Variants in PSG8 observed in about 807,000 individuals in gnomAD.
PSG8 encodes the protein pregnancy-specific beta-1-glycoprotein 8.
In PSG8, 57 loss-of-function variants were observed where a neutral mutation model predicts 42.5. The ratio of observed to expected loss-of-function variants is 1.34; its 90% confidence interval spans 1.08 to 1.67. The LOEUF is 1.67. Among genes scored for constraint, PSG8 ranks in the 40% most tolerant of loss-of-function variants. The probability of loss-of-function intolerance (pLI) is 0.00; values close to 1 mark genes in which losing one functional copy is unlikely to be tolerated. For synonymous variants in PSG8, 280 were observed against 196.8 expected (o/e 1.42, Z -3.54); for missense variants, 783 against 518.6 (o/e 1.51, Z -4.95).
intron 3 of PSG8, 77 bp from the exon 4 acceptor site, chr19:42,755,343 G>C: frequency 1.3e-6 from 2 of 1,576,696 alleles, no homozygotes; most frequent in South Asian, 2.4e-5. Context: ...ATCAGAGTTG[G>C]CATCTCCCAC....
rs1029255473 is a variant in PSG8 at position 42,757,881 on chromosome 19, G to A, written c.709+121C>T. 3.5e-5 allele frequency: 57 copies of A among 1,606,768 alleles called. 1 individual carries two copies. The East Asian group carries it at 1.0e-3, about 30-fold the overall frequency. On this transcript the variant is annotated intron_variant, in intron 3 of 4. Coordinates refer to ENST00000306511, the MANE Select transcript of PSG8 (RefSeq NM_182707.3). ...TGCCTGGGGCAGAAAGTCATGGCCA[G>A]GTTTGATGTCCAGGGGTAAAGGTCT... is the stretch of plus-strand genomic sequence containing the variant.
In PSG8 at chr19:42,755,393, G is replaced by A. The variant is rs1030534493; in HGVS notation, c.710-127C>T. The A allele has an allele frequency of 1.3e-5, 20 of 1,510,932 alleles. No individual in the cohort carries two copies. The African/African-American group carries it at 2.6e-4, about 20-fold the overall frequency. The allele number at this position is 1,510,932 out of a possible 1,614,324, so 93.6% of individuals were successfully genotyped here. A position where few individuals can be genotyped will look rare whatever the true frequency, so the allele number is the denominator to read the frequency against. The stretch of plus-strand genomic sequence containing the variant: ...GAGTCCTTGAAAGCCAATAGCTGGT[G>A]CGTGTGTCACAAGACAGATGCATGA... On this transcript the variant is annotated intron_variant, in intron 3 of 4. Transcript: ENST00000306511.
chr19:42,760,505 G>A lies in PSG8; in HGVS notation c.431-2225C>T, dbSNP rs551803076. ...TTCAGTTTTGGAAGTTTCTATTGAC[G>A]TATCCTCAAGCTAGGGATTCTTTCC... On this transcript the variant is annotated intron_variant, in intron 2 of 4. Coordinates refer to ENST00000306511, the MANE Select transcript of PSG8 (RefSeq NM_182707.3). Among the ~76,000 whole-genome samples, 21 of 152,132 alleles carry A rather than the reference G, an allele frequency of 1.4e-4. No homozygotes were observed. The South Asian group carries it at 2.1e-3, about 15-fold the overall frequency.
intron 2 of PSG8, 131 bp from the exon 3 acceptor site, chr19:42,758,411 G>T (rs1660505210): frequency 9.9e-6 from 15 of 1,514,298 alleles, no homozygotes; most frequent in Admixed American, 8.7e-5. Context: ...GCAGGTGTGT[G>T]TGTTGCAAGA....
In PSG8 at chr19:42,754,249, TA is replaced by T. The variant is rs1969851866; in HGVS notation, c.*45del. 6.2e-7 allele frequency: 1 copy of T among 1,601,200 alleles called. No individual in the cohort carries two copies. Among genetic ancestry groups the T allele is most frequent in the African/African-American group, 1.3e-5 (1 of 74,344 alleles). ...GTGCCCATGGGACGCAGGCTGGGAA[TA>T]AAAATGTTTTCCTGACTCTTCCCTG... On this transcript the variant is annotated 3_prime_UTR_variant, in exon 5 of 5. Coordinates refer to ENST00000306511, the MANE Select transcript of PSG8 (RefSeq NM_182707.3).
At chr19:42,763,044 G>C (rs1001177191) in intron 2 of PSG8, among the ~76,000 whole-genome samples, 4 of 152,144 alleles carry the variant, frequency 2.6e-5, no homozygotes, top group African/African-American at 7.2e-5. Flanking sequence ...ATGGACAGTG[G>C]CTTTTCATGC....
rs1342683782 is a variant in PSG8, at chr19:42,758,661, G to T, written c.431-381C>A. On this transcript the variant is annotated intron_variant, in intron 2 of 4. Coordinates refer to ENST00000306511, the MANE Select transcript of PSG8 (RefSeq NM_182707.3). ...ATCTTCTTAGTTTCAGTCTTACTTT[G>T]CCGCCCAAGGTATGTTTTCTCTGCA... 1.7e-5 allele frequency: 4 copies of T among 241,802 alleles called. 1 individual carries two copies. The highest frequency in any genetic ancestry group is 1.8e-4 in the East Asian group (2 of 11,276). The allele number at this position is 241,802 out of a possible 1,614,324, so 15.0% of individuals were successfully genotyped here.
At chr19:42,764,337 C>A in intron 1 of PSG8, 56 bp from the exon 2 acceptor site, 20 of 1,564,862 alleles carry the variant, frequency 1.3e-5, no homozygotes, top group Admixed American at 7.5e-5. Context: ...GGTGTGAAAA[C>A]ATGGGGCCCT....
At chr19:42,755,542 C>T (rs901431108) in intron 3 of PSG8, 124 of 691,150 alleles carry the variant, frequency 1.8e-4, no homozygotes, top group Non-Finnish European at 2.5e-4. Flanking sequence ...AGTCACAGCC[C>T]CTGGTATCCC....
chr19:42,754,197 T>G (rs1969850086), downstream of PSG8: 12 of 1,558,608 alleles, frequency 7.7e-6, no homozygotes, highest in South Asian at 1.4e-4. Flanking sequence ...ATTTGGAGGG[T>G]TTAGGAGGAG....
rs1031987510 is a variant in PSG8 at position 42,757,379 on chromosome 19, A to G, written c.709+623T>C. Among the ~76,000 whole-genome samples, 41 of 152,040 alleles carry G rather than the reference A, an allele frequency of 2.7e-4. 1 individual carries two copies. Among genetic ancestry groups the G allele is most frequent in the Non-Finnish European group, 5.4e-4 (37 of 67,990 alleles). On this transcript the variant is annotated intron_variant, in intron 3 of 4. Coordinates refer to ENST00000306511, the MANE Select transcript of PSG8 (RefSeq NM_182707.3). Reference sequence around the variant, plus strand: ...TCCTCTTGATTATGAGATTTGTTCCAGCAGTGGCTGAGTTATGGATGAAAC... The same window carrying G: ...TCCTCTTGATTATGAGATTTGTTCCGGCAGTGGCTGAGTTATGGATGAAAC...
Position 42,764,325 on chromosome 19 carries a change from T to C in PSG8, c.65-44A>G, listed in dbSNP as rs200331363. ...ATCAGTCAATATTGAGAGCTATGTA[T>C]TGGTGTGAAAACATGGGGCCCTGGG... On this transcript the variant is annotated intron_variant, in intron 1 of 4. Coordinates refer to ENST00000306511, the MANE Select transcript of PSG8 (RefSeq NM_182707.3). 7.3e-4 allele frequency: 1,150 copies of C among 1,579,540 alleles called. 10 individuals carry two copies. The highest frequency in any genetic ancestry group is 4.3e-3 in the Middle Eastern group (25 of 5,776).
chr19:42,763,800 C>A, intron 2 of PSG8, 116 bp downstream of exon 2: 8 of 1,571,126 alleles, frequency 5.1e-6, no homozygotes, highest in Non-Finnish European at 7.0e-6. Flanking sequence ...CAAACCCCAG[C>A]ATGGGACATA....
downstream of PSG8, chr19:42,752,949 G>T (rs184905131): frequency 8.7e-6 from 3 of 344,028 alleles, no homozygotes; most frequent in East Asian, 1.6e-4. Context: ...TTATGTAAAA[G>T]TTTGGGTTGA....
In PSG8 at chr19:42,754,436, A is replaced by G. The variant is rs1969859946; in HGVS notation, c.1140T>C (p.Phe380=). The part of the protein sequence containing the change: ...GKFQLSGQKL[F]IPQITTKHSG... ...TATGCTTTGTAGTAATTTGGGGGAT[A>G]AAGAGCTTTTGTCCTGATAGCTGAA... The change falls in exon 5 of 5, where the codon TTT becomes TTC. Residue 380 remains phenylalanine, a synonymous_variant. Transcript: ENST00000306511. 1.2e-6 allele frequency: 2 copies of G among 1,613,764 alleles called. No homozygotes were observed. Among genetic ancestry groups the G allele is most frequent in the African/African-American group, 1.3e-5 (1 of 74,902 alleles).
chr19:42,764,886 T>C (rs1307717270), intron 1 of PSG8, among the ~76,000 whole-genome samples: 3 of 152,140 alleles, frequency 2.0e-5, no homozygotes, highest in African/African-American at 7.2e-5. Flanking sequence ...GTGTTTTTTT[T>C]TCCCCCCAAT....
chr19:42,757,871 G>A (rs974762746), intron 3 of PSG8, 131 bp downstream of exon 3: 2 of 1,599,618 alleles, frequency 1.3e-6, no homozygotes, highest in Non-Finnish European at 1.7e-6. Context: ...GGGGCAGAAA[G>A]TCATGGCCAG....
rs779121780 is a variant in PSG8, at chr19:42,755,210, C to T, written c.766G>A (p.Asp256Asn). 6.2e-7 allele frequency: 1 copy of T among 1,611,984 alleles called. No individual in the cohort carries two copies. The highest frequency in any genetic ancestry group is 8.5e-7 in the Non-Finnish European group (1 of 1,179,802). ...INNLKPRENK[D>N]VLNFTCEPKS... Reference sequence around the variant, plus strand: ...GGTTCACAGGTGAAGTTTAAGACATCCTTATTCTCCCTGGGTTTTAAGTTG... The same window carrying T: ...GGTTCACAGGTGAAGTTTAAGACATTCTTATTCTCCCTGGGTTTTAAGTTG... Residue 256 changes from aspartate (D) to asparagine (N), a missense_variant, in exon 4 of 5, where the codon GAT becomes AAT. By Grantham distance (23) the Asp-to-Asn change is conservative (BLOSUM62 1). Coordinates refer to ENST00000306511, the MANE Select transcript of PSG8 (RefSeq NM_182707.3).
chr19:42,765,428 T>C (rs1568381721), intron 1 of PSG8, 90 bp downstream of exon 1: 1 of 1,575,682 alleles, frequency 6.3e-7, no homozygotes, highest in South Asian at 1.1e-5. Flanking sequence ...CTGGCTTCTT[T>C]CATTTTTTAG....
Sources: allele counts gnomAD v4.1 joint callset (sites outside exome capture counted in the v4.1 genomes callset), GRCh38; gene constraint gnomAD v4.1.1; transcripts MANE v1.5; gene names NCBI Gene and HGNC (gene_info 2026-07-23, HGNC 2026-07-21).